NRCAM: variants seen among roughly 807,000 people sequenced by gnomAD.
NRCAM encodes the protein neuronal cell adhesion molecule.
Under a neutral mutation model 156.5 loss-of-function variants are expected in NRCAM, and 83 were observed. The ratio of observed to expected loss-of-function variants is 0.53; its 90% CI spans 0.44 to 0.64. The LOEUF is 0.64. Ranked by LOEUF, NRCAM falls within the 30% of genes least tolerant of loss-of-function variation. The probability of loss-of-function intolerance (pLI) is 0.00; values close to 1 mark genes in which losing one functional copy is unlikely to be tolerated. For synonymous variants in NRCAM, 538 were observed against 563.9 expected, an observed-to-expected ratio of 0.95 and a Z score of 0.65; for missense variants, 1,417 against 1,597.3, an observed-to-expected ratio of 0.89 and a Z score of 1.92.
intron 20 of NRCAM, among the ~76,000 whole-genome samples, chr7:108,186,752 T>C (rs2067064377): frequency 6.6e-6 from 1 of 152,224 alleles, no homozygotes; most frequent in African/African-American, 2.4e-5. Flanking sequence ...TTTAAACAAT[T>C]TTAAATCTAT....
At chr7:108,338,608 GAGAGGAGAGAGAC>G (rs2099235686) in intron 2 of NRCAM, among the ~76,000 whole-genome samples, 1 of 148,114 alleles carries the variant, frequency 6.8e-6, no homozygotes, top group South Asian at 2.2e-4. Context: ...GAGAGAGACA[GAGAGGAGAGAGAC>G]ACAGAGAGGG....
intron 19 of NRCAM, 92 bp downstream of exon 19, chr7:108,191,161 AT>A: frequency 1.9e-6 from 2 of 1,044,052 alleles, no homozygotes; most frequent in South Asian, 3.0e-5. Context: ...AAGAAACACA[AT>A]TATGTGACAT....
intron 2 of NRCAM, among the ~76,000 whole-genome samples, chr7:108,338,747 A>T (rs905252097): frequency 6.6e-6 from 1 of 152,162 alleles, no homozygotes; most frequent in South Asian, 2.1e-4. Context: ...AGCCAGGGTA[A>T]ATTTAAAAAA....
At chr7:108,374,996 C>T (rs2099667467) in intron 2 of NRCAM, among the ~76,000 whole-genome samples, 1 of 152,090 alleles carries the variant, frequency 6.6e-6, no homozygotes, top group South Asian at 2.1e-4. Flanking sequence ...TGGAATAGCA[C>T]AGATGTCATG....
chr7:108,350,601 T>C (rs1563383638), intron 2 of NRCAM, among the ~76,000 whole-genome samples: 2 of 152,164 alleles, frequency 1.3e-5, no homozygotes, highest in Non-Finnish European at 2.9e-5. Context: ...TACCTTTCAT[T>C]ATTTTGCCCT....
At chr7:108,232,078 CT>C (rs11454932) in intron 7 of NRCAM, among the ~76,000 whole-genome samples, 76 of 147,132 alleles carry the variant, frequency 5.2e-4, no homozygotes, top group Middle Eastern at 3.5e-3. Flanking sequence ...GGAAGAAACA[CT>C]TTTTTTTTTT....
chr7:108,170,171 A>C (rs1477193978), intron 28 of NRCAM, among the ~76,000 whole-genome samples: 4 of 152,130 alleles, frequency 2.6e-5, no homozygotes, highest in Admixed American at 6.6e-5. Context: ...TAAAGAAATT[A>C]CCATATATAT....
intron 13 of NRCAM, among the ~76,000 whole-genome samples, chr7:108,200,902 A>G (rs933364990): frequency 3.3e-5 from 5 of 152,106 alleles, no homozygotes; most frequent in Non-Finnish European, 7.4e-5. Flanking sequence ...ACCAAACATT[A>G]TATGTTCTCA....
Position 108,233,847 on chromosome 7 carries a change from G to A in NRCAM, c.230+736C>T, listed in dbSNP as rs79973530. ...CTCTCCAAAACTTCCATATATGACT[G>A]GACATGTTACAGATCATCCGCTGTG... On this transcript the variant is annotated intron_variant, in intron 6 of 32. Transcript: ENST00000379028. 3.4e-3 allele frequency among the ~76,000 whole-genome samples: 511 copies of A among 152,258 alleles called. 1 individual carries two copies. Among genetic ancestry groups the A allele is most frequent in the Non-Finnish European group, 5.7e-3 (388 of 68,012 alleles).
intron 3 of NRCAM, among the ~76,000 whole-genome samples, chr7:108,265,623 A>C (rs980631177): frequency 6.6e-6 from 1 of 152,242 alleles, no homozygotes; most frequent in African/African-American, 2.4e-5. Flanking sequence ...AATACATATT[A>C]AGCACTTACT....
At chr7:108,452,349 ATGT>A (rs1329679787) in intron 1 of NRCAM, among the ~76,000 whole-genome samples, 1 of 152,088 alleles carries the variant, frequency 6.6e-6, no homozygotes, top group Non-Finnish European at 1.5e-5. Context: ...TCAAAATATC[ATGT>A]TGTACATATT....
In NRCAM at chr7:108,359,246, T is replaced by G. The variant is rs142108635; in HGVS notation, c.-174+40190A>C. Among the ~76,000 whole-genome samples, 1,063 of 152,324 alleles carry G rather than the reference T, an allele frequency of 7.0e-3. 6 individuals carry two copies. The highest frequency in any genetic ancestry group is 0.012 in the Non-Finnish European group (799 of 68,028). ...AATGAAGCAGATGTAAGTCTTGCCTTTAATGTAACCGAAGTGGGAATCAGA... is the reference window on the plus strand; with the variant it reads ...AATGAAGCAGATGTAAGTCTTGCCTGTAATGTAACCGAAGTGGGAATCAGA... On this transcript the variant is annotated intron_variant, in intron 2 of 32. Coordinates refer to ENST00000379028, the MANE Select transcript of NRCAM (RefSeq NM_001037132.4).
At chr7:108,447,268 T>C (rs906740249) in intron 1 of NRCAM, among the ~76,000 whole-genome samples, 6 of 143,760 alleles carry the variant, frequency 4.2e-5, no homozygotes, top group African/African-American at 1.3e-4. Context: ...TCTTTTTTTT[T>C]TTTTTTTTTT....
intron 1 of NRCAM, among the ~76,000 whole-genome samples, chr7:108,405,970 T>TTTA (rs111321967): frequency 6.3e-4 from 95 of 149,656 alleles, no homozygotes; most frequent in Admixed American, 1.1e-3. Context: ...TTTTTTTTTT[T>TTTA]AATTTAAAAA....
Position 108,160,471 on chromosome 7 carries a change from T to G in NRCAM, c.3488A>C (p.Asp1163Ala), listed in dbSNP as rs1388179707. The G allele has an allele frequency of 1.2e-6, 2 of 1,613,140 alleles. No homozygotes were observed. Among genetic ancestry groups the G allele is most frequent in the Non-Finnish European group, 1.7e-6 (2 of 1,179,610 alleles). The change falls in exon 31 of 33, where the codon GAT becomes GCT. Residue 1163 changes from aspartate (D) to alanine (A), a missense_variant. Coordinates refer to ENST00000379028, the MANE Select transcript of NRCAM (RefSeq NM_001037132.4). ...AATGAACCAGCCCTGAGTTGCAATA[T>G]CCACCTGCCGGCTTGCCATCGCTGG... Reference protein sequence around the residue: ...TGPAMASRQVDIATQGWFIGL... With the variant: ...TGPAMASRQVAIATQGWFIGL...
chr7:108,339,651 T>C (rs1191705450), intron 2 of NRCAM, among the ~76,000 whole-genome samples: 1 of 152,126 alleles, frequency 6.6e-6, no homozygotes. Flanking sequence ...GACTGCTACA[T>C]TGGTAAGCGT....
chr7:108,436,828 T>G (rs1159834155), intron 1 of NRCAM, among the ~76,000 whole-genome samples: 2 of 152,130 alleles, frequency 1.3e-5, no homozygotes, highest in Admixed American at 1.3e-4. Context: ...GAATGTAAAT[T>G]AATACATCTG....
intron 7 of NRCAM, among the ~76,000 whole-genome samples, chr7:108,232,118 TAA>T (rs751542086): frequency 6.6e-6 from 1 of 151,908 alleles, no homozygotes; most frequent in Non-Finnish European, 1.5e-5. Flanking sequence ...AGGACTTCTG[TAA>T]AAGATATATT....
At chr7:108,305,228 T>C (rs1013388716) in intron 3 of NRCAM, among the ~76,000 whole-genome samples, 10 of 152,182 alleles carry the variant, frequency 6.6e-5, no homozygotes, top group Non-Finnish European at 1.2e-4. Flanking sequence ...GCAAATCAAA[T>C]CGATTTGAAG....
Sources: allele counts gnomAD v4.1 joint callset (sites outside exome capture counted in the v4.1 genomes callset), GRCh38; gene constraint gnomAD v4.1.1; transcripts MANE v1.5; gene names NCBI Gene and HGNC (gene_info 2026-07-23, HGNC 2026-07-21).